The following MYO7B variants were observed in gnomAD, a reference collection of about 807,000 sequenced individuals.
The protein encoded by MYO7B is unconventional myosin-VIIb.
Under a neutral mutation model 259.7 loss-of-function variants are expected in MYO7B, and 212 were observed. The observed-to-expected ratio is 0.82, with a 90% CI of 0.73 to 0.91. The LOEUF (loss-of-function observed/expected upper bound fraction) is 0.91. Ranked by LOEUF, MYO7B falls within the 40% of genes least tolerant of loss-of-function variation. MYO7B has a pLI of 0.00. For missense variants in MYO7B, 2,732 were observed against 2,813.5 expected (o/e 0.97, Z 0.66); for synonymous variants, 1,197 against 1,166.4 (o/e 1.03, Z -0.54).
chr2:127,632,336 T>C lies in MYO7B; in HGVS notation c.5340T>C (p.Phe1780=). Residue 1780 remains phenylalanine (F), a synonymous_variant, in exon 39 of 48, where the codon TTT becomes TTC. Transcript: ENST00000409816. ...GGCTGCTGCCCCATGCCCAGAAGTT[T>C]ATAGACACTCGGAGGGGGAAGCTGC... The part of the protein sequence containing the change: ...SKGLLPHAQK[F]IDTRRGKLLA... 6.2e-7 allele frequency: 1 copy of C among 1,606,298 alleles called. No individual in the cohort carries two copies. Among genetic ancestry groups the C allele is most frequent in the Non-Finnish European group, 8.5e-7 (1 of 1,176,694 alleles).
chr2:127,574,283 C>T (rs1165535029), intron 7 of MYO7B, among the ~76,000 whole-genome samples: 2 of 152,188 alleles, frequency 1.3e-5, no homozygotes, highest in Non-Finnish European at 2.9e-5. Flanking sequence ...GCCTCTAATC[C>T]CAGCACTTAT....
At chr2:127,583,436 G>A (rs188984805) in intron 12 of MYO7B, among the ~76,000 whole-genome samples, 1 of 152,352 alleles carries the variant, frequency 6.6e-6, no homozygotes, top group Admixed American at 6.5e-5. Context: ...TTAGCCCAAT[G>A]CACTCTCTAA....
intron 21 of MYO7B, among the ~76,000 whole-genome samples, chr2:127,608,249 CA>C (rs1344354817): frequency 2.0e-5 from 3 of 152,228 alleles, no homozygotes; most frequent in Non-Finnish European, 4.4e-5. Flanking sequence ...GACACGTCAG[CA>C]GCATGCTTCT....
intron 47 of MYO7B, 122 bp downstream of exon 47, chr2:127,637,035 G>A (rs995698209): frequency 2.5e-5 from 38 of 1,492,418 alleles, no homozygotes; most frequent in Non-Finnish European, 3.3e-5. Flanking sequence ...GCCCAGGCGG[G>A]GCCAGCAGAT....
chr2:127,596,426 G>A (rs1679771158), intron 18 of MYO7B, 36 bp from the exon 19 acceptor site: 3 of 1,526,396 alleles, frequency 2.0e-6, no homozygotes, highest in South Asian at 2.3e-5. Context: ...TAGGGTGAGG[G>A]TGAGCAGCCC....
At chr2:127,555,982 C>CAA (rs1693620192) in intron 1 of MYO7B, among the ~76,000 whole-genome samples, 1 of 152,152 alleles carries the variant, frequency 6.6e-6, no homozygotes, top group Non-Finnish European at 1.5e-5. Flanking sequence ...CTGCCTAGTG[C>CAA]TGCCAGTGGA....
chr2:127,571,442 G>GGTTTTTTTTTTTTTTTTTTTT, intron 6 of MYO7B, among the ~76,000 whole-genome samples: 1 of 41,966 alleles, frequency 2.4e-5, no homozygotes, highest in East Asian at 1.5e-3. Context: ...TTACCAGTGA[G>GGTTTTTTTTTTTTTTTTTTTT]TTTTTTTTTT....
At chr2:127,571,442 G>GTTTTTTTTTTGTTGTTTT (rs1553448471) in intron 6 of MYO7B, among the ~76,000 whole-genome samples, 2 of 41,984 alleles carry the variant, frequency 4.8e-5, no homozygotes, top group Non-Finnish European at 9.1e-5. Flanking sequence ...TTACCAGTGA[G>GTTTTTTTTTTGTTGTTTT]TTTTTTTTTT....
rs1680264026 is a variant in MYO7B at position 127,608,847 on chromosome 2, G to A, written c.2783G>A (p.Gly928Asp). 7 of 1,613,274 alleles carry A rather than the reference G, an allele frequency of 4.3e-6. No homozygotes were observed. Among genetic ancestry groups the A allele is most frequent in the Non-Finnish European group, 5.1e-6 (6 of 1,179,768 alleles). The stretch of plus-strand genomic sequence containing the variant: ...GGCTTCCTCCCTGCCATGATTGGGG[G>A]CCAGGAGGGCCAGGCCTCGCCGCAC... ...VFGFLPAMIGGQEGQASPHFE... is the reference protein window; with the variant it reads ...VFGFLPAMIGDQEGQASPHFE... Residue 928 changes from glycine (G) to aspartate (D), a missense_variant, in exon 22 of 48, where the codon GGC becomes GAC. Gly to Asp is a moderately conservative substitution (Grantham distance 94). Around this residue, in one of 3 missense-constraint regions of MYO7B, gnomAD observed 1,906 missense variants for 2,026.4 expected, o/e 0.94. Coordinates refer to ENST00000409816, the MANE Select transcript of MYO7B (RefSeq NM_001393586.1).
At chr2:127,561,981 T>G (rs1549766) in intron 2 of MYO7B, among the ~76,000 whole-genome samples, 127,365 of 151,850 alleles carry the variant, frequency 0.84, 53,762 homozygotes, top group East Asian at 1. Context: ...CTTCTGTGCT[T>G]GGGGGTGAGG....
intron 28 of MYO7B, 51 bp downstream of exon 28, chr2:127,622,152 C>G: frequency 2.6e-6 from 4 of 1,516,110 alleles, no homozygotes; most frequent in South Asian, 1.2e-5. Context: ...TGCAGACCCC[C>G]AGGGACCCCC....
At chr2:127,580,659 G>C (rs1404218276) in intron 9 of MYO7B, 87 bp from the exon 10 acceptor site, 35 of 1,294,936 alleles carry the variant, frequency 2.7e-5, no homozygotes, top group Non-Finnish European at 3.6e-5. Flanking sequence ...AGTGGATCTG[G>C]GGCTGCCAAG....
Position 127,636,381 on chromosome 2 carries a change from C to T in MYO7B, c.6123+57C>T. The T allele has an allele frequency of 2.6e-6, 4 of 1,517,584 alleles. No homozygotes were observed. The highest frequency in any genetic ancestry group is 3.6e-6 in the Non-Finnish European group (4 of 1,096,724). 94.0% of individuals were successfully genotyped at this position (1,517,584 alleles called of 1,614,324 possible). The stretch of plus-strand genomic sequence containing the variant: ...CCAAGCAGGCTCCGCTCAGCCCAGC[C>T]CCAGCAGGCCCAGCGTCAACCAGCA... On this transcript the variant is annotated intron_variant, in intron 45 of 47. Coordinates refer to ENST00000409816, the MANE Select transcript of MYO7B (RefSeq NM_001393586.1). The surrounding 1 kb of genome is among the most constrained non-coding windows in gnomAD (Gnocchi z 4.5).
chr2:127,592,487 G>T (rs111804739), intron 16 of MYO7B, among the ~76,000 whole-genome samples: 1 of 152,192 alleles, frequency 6.6e-6, no homozygotes, highest in South Asian at 2.1e-4. Context: ...ACAGCGCTTC[G>T]AGTAGTTGAC....
At chr2:127,612,805 C>A (rs1362868676) in intron 26 of MYO7B, among the ~76,000 whole-genome samples, 1 of 152,186 alleles carries the variant, frequency 6.6e-6, no homozygotes, top group Non-Finnish European at 1.5e-5. Context: ...TGAGTAAAAC[C>A]CGGTTTTAGG....
intron 1 of MYO7B, among the ~76,000 whole-genome samples, chr2:127,558,781 T>A (rs1677936043): frequency 6.6e-6 from 1 of 152,148 alleles, no homozygotes; most frequent in Non-Finnish European, 1.5e-5. Flanking sequence ...CTAAGTGAAG[T>A]AACTCGGGAA....
chr2:127,586,650 G>A lies in MYO7B; in HGVS notation c.1690+1737G>A, dbSNP rs965874847. Among the ~76,000 whole-genome samples the A allele has an allele frequency of 3.3e-5, 5 of 152,158 alleles. No homozygotes were observed. The highest frequency in any genetic ancestry group is 1.2e-4 in the African/African-American group (5 of 41,438). On this transcript the variant is annotated intron_variant, in intron 14 of 47. Coordinates refer to ENST00000409816, the MANE Select transcript of MYO7B (RefSeq NM_001393586.1). This position sits in a 1 kb window ranked among gnomAD's most constrained non-coding sequence, Gnocchi z 4.8. ...GCCCATCCTCCATGGGGCAATTCAAGGCTGAGTTTTATTTTTTGAAATGAT... is the reference window on the plus strand; with the variant it reads ...GCCCATCCTCCATGGGGCAATTCAAAGCTGAGTTTTATTTTTTGAAATGAT...
chr2:127,613,445 A>T lies in MYO7B; in HGVS notation c.3398+842A>T, dbSNP rs1680462154. 6.6e-6 allele frequency among the ~76,000 whole-genome samples: 1 copy of T among 152,114 alleles called. No individual in the cohort carries two copies. Among genetic ancestry groups the T allele is most frequent in the Non-Finnish European group, 1.5e-5 (1 of 68,008 alleles). On this transcript the variant is annotated intron_variant, in intron 26 of 47. Transcript: ENST00000409816. The surrounding 1 kb of genome is among the most constrained non-coding windows in gnomAD (Gnocchi z 4.3). ...GTCTTTTTTATATTTCTGTGCCAAG[A>T]TTTCCTATTTGTTCATTCACTATGA...
At position 127,634,681 on chromosome 2, in the gene MYO7B, A is replaced by G; in HGVS notation, c.5711A>G (p.Glu1904Gly). Residue 1904 changes from glutamate (E) to glycine (G), a missense_variant and splice_region_variant, in exon 42 of 48, where the codon GAA becomes GGA. By Grantham distance (98) the Glu-to-Gly change is moderately conservative. Transcript: ENST00000409816. The stretch of plus-strand genomic sequence containing the variant: ...GTGAAGAAGAACAAGCCCCAGAAAG[A>G]AGGTGAGGAGGCCTCTGTGGAGCTG... ...DWVKKNKPQK[E>G]GAPVTLPYQV... The G allele has an allele frequency of 6.2e-7, 1 of 1,609,910 alleles. No individual in the cohort carries two copies. Among genetic ancestry groups the G allele is most frequent in the Non-Finnish European group, 8.5e-7 (1 of 1,178,872 alleles).
Sources: allele counts gnomAD v4.1 joint callset (sites outside exome capture counted in the v4.1 genomes callset), GRCh38; gene constraint gnomAD v4.1.1; regional missense constraint gnomAD v4.1.1; non-coding constraint Gnocchi (gnomAD v3.1); transcripts MANE v1.5; gene names NCBI Gene and HGNC (gene_info 2026-07-23, HGNC 2026-07-21).